Variants in MLLT10 observed in about 807,000 individuals in gnomAD.
The protein encoded by MLLT10 is MLLT10 histone lysine methyltransferase DOT1L cofactor.
MLLT10 carries 30 observed loss-of-function variants against 129.1 expected under a neutral mutation model. The ratio of observed to expected loss-of-function variants is 0.23; its 90% CI spans 0.17 to 0.32. The LOEUF (loss-of-function observed/expected upper bound fraction) is 0.32, where lower values mean the gene tolerates loss of function less well. Among genes scored for constraint, MLLT10 ranks in the 10% least tolerant of loss-of-function variants. The pLI, the probability that MLLT10 is intolerant of heterozygous loss-of-function variation, is 1.00. For missense variants in MLLT10, 1,119 were observed against 1,268.3 expected (o/e 0.88, Z 1.79); for synonymous variants, 490 against 446.4 (o/e 1.10, Z -1.23).
chr10:21,668,856 C>G (rs1288830453), intron 9 of MLLT10: 1 of 1,109,406 alleles, frequency 9.0e-7, no homozygotes, highest in Admixed American at 4.8e-5. Flanking sequence ...GATACATGAG[C>G]AAAAATACAT....
intron 4 of MLLT10, among the ~76,000 whole-genome samples, chr10:21,593,067 C>T (rs1260027426): frequency 6.7e-6 from 1 of 150,292 alleles, no homozygotes; most frequent in East Asian, 1.9e-4. Flanking sequence ...TCTTTTCATC[C>T]ATGTCTAAAC....
intron 21 of MLLT10, 127 bp downstream of exon 21, chr10:21,735,362 G>A: frequency 1.3e-6 from 1 of 767,020 alleles, no homozygotes; most frequent in South Asian, 1.8e-5. Context: ...AGTTTTTCTT[G>A]CCATGTGGTA....
intron 9 of MLLT10, among the ~76,000 whole-genome samples, chr10:21,653,292 A>G (rs894545467): frequency 1.3e-5 from 2 of 152,134 alleles, no homozygotes; most frequent in African/African-American, 4.8e-5. Context: ...ATCTGCTTAT[A>G]TGCTTGGTCA....
chr10:21,639,435 T>G (rs1358630649), intron 8 of MLLT10, among the ~76,000 whole-genome samples: 1 of 152,200 alleles, frequency 6.6e-6, no homozygotes, highest in Non-Finnish European at 1.5e-5. Context: ...TTGGGTTGGA[T>G]TAGTTTGCTA....
intron 3 of MLLT10, among the ~76,000 whole-genome samples, chr10:21,543,110 C>G (rs529280828): frequency 2.0e-5 from 3 of 151,978 alleles, no homozygotes; most frequent in African/African-American, 7.2e-5. Context: ...AGACACCATG[C>G]CCGGCTAGTT....
At chr10:21,626,671 G>A (rs1193028026) in intron 8 of MLLT10, among the ~76,000 whole-genome samples, 2 of 152,166 alleles carry the variant, frequency 1.3e-5, no homozygotes, top group Admixed American at 1.3e-4. Context: ...TCTTTGAAGA[G>A]AGCTAGACTA....
intron 3 of MLLT10, among the ~76,000 whole-genome samples, chr10:21,544,227 A>G (rs16921849): frequency 0.18 from 27,387 of 152,142 alleles, 2,525 homozygotes; most frequent in East Asian, 0.32. Context: ...GTTGCCTCCT[A>G]TGGTGAAAGA....
chr10:21,579,857 C>T (rs1564447155), intron 3 of MLLT10, among the ~76,000 whole-genome samples: 1 of 152,126 alleles, frequency 6.6e-6, no homozygotes, highest in African/African-American at 2.4e-5. Context: ...GCCACCATGC[C>T]TGGCCTCAGA....
At chr10:21,688,573 A>G (rs776123813) in intron 13 of MLLT10, 120 of 1,570,724 alleles carry the variant, frequency 7.6e-5, no homozygotes, top group Middle Eastern at 3.5e-4. Context: ...TCTAAACATA[A>G]TAGTGTTAAA....
At chr10:21,688,930 C>T (rs765311095) in intron 13 of MLLT10, among the ~76,000 whole-genome samples, 4 of 152,086 alleles carry the variant, frequency 2.6e-5, no homozygotes, top group East Asian at 1.9e-4. Flanking sequence ...ATTCTTTTAA[C>T]ATATATCTCA....
At chr10:21,537,873 T>A (rs2034344741) in intron 2 of MLLT10, among the ~76,000 whole-genome samples, 1 of 152,228 alleles carries the variant, frequency 6.6e-6, no homozygotes. Context: ...TTTTAGAGTT[T>A]TAGAAAATTT....
rs562885726 is a variant in MLLT10, at chr10:21,586,687, G to C, written c.295+339G>C. Among the ~76,000 whole-genome samples, 140 of 152,118 alleles carry C rather than the reference G, an allele frequency of 9.2e-4. 3 individuals are homozygous for C. The highest frequency in any genetic ancestry group is 2.6e-4 in the Non-Finnish European group (18 of 67,998). ...TGGATCACCTGAGGTCAGGAGTCGA[G>C]ACCAGCCTGGCCAACATAGTGAAAC... On this transcript the variant is annotated intron_variant, in intron 4 of 22. Transcript: ENST00000307729.
At chr10:21,538,317 C>G (rs773347885) in intron 2 of MLLT10, among the ~76,000 whole-genome samples, 1 of 152,010 alleles carries the variant, frequency 6.6e-6, no homozygotes, top group Non-Finnish European at 1.5e-5. Flanking sequence ...GCATGTGCCA[C>G]CACGCCTGGC....
chr10:21,672,116 A>G (rs2051484408), intron 10 of MLLT10, among the ~76,000 whole-genome samples: 1 of 151,922 alleles, frequency 6.6e-6, no homozygotes, highest in African/African-American at 2.4e-5. Flanking sequence ...TGCATTTGTT[A>G]TAAAGTTTGA....
chr10:21,737,814 T>C (rs759159498), intron 21 of MLLT10, among the ~76,000 whole-genome samples: 2 of 152,154 alleles, frequency 1.3e-5, no homozygotes, highest in Non-Finnish European at 2.9e-5. Flanking sequence ...AATGCATTGC[T>C]TAATTAACAT....
At chr10:21,609,326 G>T (rs1213469586) in intron 5 of MLLT10, among the ~76,000 whole-genome samples, 1 of 152,214 alleles carries the variant, frequency 6.6e-6, no homozygotes, top group Admixed American at 6.5e-5. Flanking sequence ...GTACAATTGA[G>T]CTTATGCACA....
chr10:21,542,639 G>C (rs2035381988), intron 3 of MLLT10, among the ~76,000 whole-genome samples: 1 of 152,198 alleles, frequency 6.6e-6, no homozygotes, highest in African/African-American at 2.4e-5. Flanking sequence ...GCTTTGAGAG[G>C]CCGAGGTGAG....
rs776185158 is a variant in MLLT10, at chr10:21,733,861, G to A, written c.2590G>A (p.Val864Met). The A allele has an allele frequency of 6.2e-6, 10 of 1,614,212 alleles. No homozygotes were observed. Among genetic ancestry groups the A allele is most frequent in the Non-Finnish European group, 8.5e-6 (10 of 1,180,034 alleles). ...GAGTCCGGCTCAACAAGGCTCAGGAGTGAGTGGAGTTCAGCAGGTCAATGG... is the reference window on the plus strand; with the variant it reads ...GAGTCCGGCTCAACAAGGCTCAGGAATGAGTGGAGTTCAGCAGGTCAATGG... Reference protein sequence around the residue: ...GQSPAQQGSGVSGVQQVNGVT... With the variant: ...GQSPAQQGSGMSGVQQVNGVT... The change falls in exon 20 of 23, where the codon GTG (valine) becomes ATG (methionine). Residue 864 changes from valine (V) to methionine (M), a missense_variant. Val to Met is a conservative substitution (Grantham distance 21). This residue lies in a region of MLLT10 where 1,004 missense variants were observed against 1,008.7 expected (regional missense o/e 1.00). Transcript: ENST00000307729.
intron 3 of MLLT10, among the ~76,000 whole-genome samples, chr10:21,578,711 T>G (rs1010630377): frequency 5.3e-5 from 8 of 152,238 alleles, no homozygotes; most frequent in African/African-American, 1.9e-4. Context: ...TTTACTCTTT[T>G]CAGTCTGTTT....
Sources: gnomAD v4.1 joint callset for allele counts (sites outside exome capture counted in the v4.1 genomes callset) on GRCh38, gnomAD v4.1.1 for gene constraint, gnomAD v4.1.1 regional missense constraint, MANE v1.5 for transcripts, NCBI Gene and HGNC (gene_info 2026-07-23, HGNC 2026-07-21) for gene names.